The following BMPR1B variants were observed in gnomAD, a reference collection of about 807,000 sequenced individuals.
BMPR1B encodes the protein bone morphogenetic protein receptor type 1B.
A neutral mutation model predicts 59.1 loss-of-function variants in BMPR1B; 12 were observed. The ratio of observed to expected loss-of-function variants is 0.20; its 90% CI spans 0.13 to 0.33. The LOEUF (loss-of-function observed/expected upper bound fraction) is 0.33, where lower values mean the gene tolerates loss of function less well. BMPR1B is among the 10% of genes least tolerant of loss of function. The probability of loss-of-function intolerance (pLI) is 1.00; values close to 1 mark genes in which losing one functional copy is unlikely to be tolerated. For missense variants in BMPR1B, 550 were observed against 610.9 expected (o/e 0.90, Z 1.05); for synonymous variants, 237 against 207.3 (o/e 1.14, Z -1.23).
chr4:94,970,239 TTCTTC>T (rs10591546), intron 2 of BMPR1B, among the ~76,000 whole-genome samples: 15,466 of 127,124 alleles, frequency 0.12, 1,157 homozygotes, highest in East Asian at 0.17. Flanking sequence ...CTGTTTGTTT[TTCTTC>T]TCTTCTCTTC....
chr4:94,917,223 G>C (rs1406346747), intron 2 of BMPR1B, among the ~76,000 whole-genome samples: 1 of 152,222 alleles, frequency 6.6e-6, no homozygotes, highest in Non-Finnish European at 1.5e-5. Context: ...TGAGGCTGGA[G>C]CCCCCACACA....
At position 95,097,214 on chromosome 4, in the gene BMPR1B, A is replaced by T. The variant is rs533947148; in HGVS notation, c.-17-7194A>T. Among the ~76,000 whole-genome samples, 7 of 150,370 alleles carry T rather than the reference A, an allele frequency of 4.7e-5. No homozygotes were observed. The South Asian group carries it at 1.5e-3, about 31-fold the overall frequency. On this transcript the variant is annotated intron_variant, in intron 3 of 12. Transcript: ENST00000515059. ...TAGTGTCTGGATTTACACTGTTTTA[A>T]AGATCAGTTATTAGAGAAAGAGGGA... is the stretch of plus-strand genomic sequence containing the variant.
intron 3 of BMPR1B, among the ~76,000 whole-genome samples, chr4:95,072,192 T>G (rs919672227): frequency 1.3e-5 from 2 of 152,192 alleles, no homozygotes; most frequent in Non-Finnish European, 2.9e-5. Flanking sequence ...GGTCAGCCTT[T>G]TTGTTCAATT....
At chr4:94,789,203 A>G (rs1230601363) in intron 1 of BMPR1B, among the ~76,000 whole-genome samples, 2 of 152,234 alleles carry the variant, frequency 1.3e-5, no homozygotes, top group Admixed American at 6.5e-5. Context: ...GCATAGAACA[A>G]GAGAAGATGA....
intron 4 of BMPR1B, among the ~76,000 whole-genome samples, chr4:95,111,746 A>T (rs1731647257): frequency 6.6e-6 from 1 of 152,070 alleles, no homozygotes; most frequent in African/African-American, 2.4e-5. Flanking sequence ...TGATTTTTCT[A>T]GATGTTCCTT....
chr4:94,902,351 A>T lies in BMPR1B; in HGVS notation c.-113+26451A>T, dbSNP rs1306782435. ...CATGTAATATAATGCCATTTATGTA[A>T]AAGTTTGGCCCACAGAACACAATTG... On this transcript the variant is annotated intron_variant, in intron 2 of 12. Transcript: ENST00000515059. Among the ~76,000 whole-genome samples the T allele has an allele frequency of 1.3e-5, 2 of 151,298 alleles. 1 individual carries two copies. Among genetic ancestry groups the T allele is most frequent in the African/African-American group, 4.9e-5 (2 of 41,166 alleles).
intron 2 of BMPR1B, among the ~76,000 whole-genome samples, chr4:94,902,412 C>CA (rs1472315568): frequency 6.6e-6 from 1 of 151,378 alleles, no homozygotes; most frequent in Non-Finnish European, 1.5e-5. Context: ...CATATTAAAA[C>CA]AAAAAACCTG....
chr4:95,149,613 G>A (rs1000979664), intron 11 of BMPR1B, among the ~76,000 whole-genome samples: 1 of 152,034 alleles, frequency 6.6e-6, no homozygotes, highest in South Asian at 2.1e-4. Context: ...ACACCTTTTA[G>A]GCAAGGAGCT....
At chr4:95,092,523 A>G (rs566627480) in intron 3 of BMPR1B, among the ~76,000 whole-genome samples, 8 of 152,206 alleles carry the variant, frequency 5.3e-5, no homozygotes, top group South Asian at 4.1e-4. Flanking sequence ...CTCATTGGTG[A>G]TGATAATAGT....
At chr4:94,958,289 T>G (rs906170462) in intron 2 of BMPR1B, among the ~76,000 whole-genome samples, 4 of 152,180 alleles carry the variant, frequency 2.6e-5, no homozygotes, top group African/African-American at 9.6e-5. Flanking sequence ...AGTAAGACAT[T>G]GTATATACTG....
At chr4:94,981,487 C>G (rs1393789454) in intron 2 of BMPR1B, among the ~76,000 whole-genome samples, 2 of 152,172 alleles carry the variant, frequency 1.3e-5, no homozygotes, top group African/African-American at 4.8e-5. Flanking sequence ...ACTCTTAGGA[C>G]TCTCACACCA....
intron 1 of BMPR1B, among the ~76,000 whole-genome samples, chr4:94,857,750 AG>A (rs1725816160): frequency 6.6e-6 from 1 of 152,214 alleles, no homozygotes; most frequent in African/African-American, 2.4e-5. Context: ...GTCCTCAAAA[AG>A]ACATCTGTTA....
intron 7 of BMPR1B, 43 bp downstream of exon 7, chr4:95,123,949 G>A (rs1174630399): frequency 7.2e-7 from 1 of 1,384,732 alleles, no homozygotes; most frequent in Non-Finnish European, 1.0e-6. Context: ...AATTTATAGT[G>A]TCTTCTTTTT....
At chr4:94,916,263 G>T (rs986159337) in intron 2 of BMPR1B, among the ~76,000 whole-genome samples, 1 of 152,202 alleles carries the variant, frequency 6.6e-6, no homozygotes, top group Non-Finnish European at 1.5e-5. Context: ...GAGGTTGGAA[G>T]AATTTGGAGG....
At chr4:95,064,328 G>A (rs554620629) in intron 3 of BMPR1B, among the ~76,000 whole-genome samples, 1 of 152,196 alleles carries the variant, frequency 6.6e-6, no homozygotes, top group East Asian at 1.9e-4. Context: ...ATTATCGCCT[G>A]AGTTGTGCCT....
intron 3 of BMPR1B, among the ~76,000 whole-genome samples, chr4:95,051,138 A>T (rs1384880916): frequency 6.6e-6 from 1 of 152,152 alleles, no homozygotes; most frequent in Non-Finnish European, 1.5e-5. Context: ...TTCATTATTT[A>T]TCTGGTGACG....
chr4:94,792,981 C>T (rs184697373), intron 1 of BMPR1B, among the ~76,000 whole-genome samples: 4 of 149,948 alleles, frequency 2.7e-5, no homozygotes, highest in African/African-American at 7.4e-5. Flanking sequence ...TAATGATTTT[C>T]CAATAGAAGG....
At chr4:94,839,218 GA>G (rs879264882) in intron 1 of BMPR1B, among the ~76,000 whole-genome samples, 1 of 128,250 alleles carries the variant, frequency 7.8e-6, no homozygotes, top group Admixed American at 7.8e-5. Context: ...GTGTGGTGCT[GA>G]AAAAAATGTA....
intron 3 of BMPR1B, among the ~76,000 whole-genome samples, chr4:95,024,993 C>T (rs1201904441): frequency 1.3e-5 from 2 of 151,870 alleles, no homozygotes; most frequent in African/African-American, 4.8e-5. Context: ...CTCAGCTACT[C>T]GGGAGGCTGA....
Sources: gnomAD v4.1 joint callset for allele counts (sites outside exome capture counted in the v4.1 genomes callset) on GRCh38, gnomAD v4.1.1 for gene constraint, MANE v1.5 for transcripts, NCBI Gene and HGNC (gene_info 2026-07-23, HGNC 2026-07-21) for gene names.